TGFBRAP1: variants seen among roughly 807,000 people sequenced by gnomAD.
TGFBRAP1 encodes the protein transforming growth factor beta receptor associated protein 1, also known as transforming growth factor-beta receptor-associated protein 1.
A neutral mutation model predicts 83.2 loss-of-function variants in TGFBRAP1; 20 were observed. That is an observed-to-expected ratio of 0.24 (90% CI 0.17 to 0.35). TGFBRAP1 has a LOEUF of 0.35. Among genes scored for constraint, TGFBRAP1 ranks in the 10% least tolerant of loss-of-function variants. The pLI is 1.00. For synonymous variants in TGFBRAP1, 415 were observed against 459.8 expected (o/e 0.90, Z 1.25); for missense variants, 950 against 1,099.4 (o/e 0.86, Z 1.92).
At chr2:105,284,582 C>G (rs546830228) in intron 4 of TGFBRAP1, among the ~76,000 whole-genome samples, 184 bp from the exon 5 acceptor site, 1 of 152,202 alleles carries the variant, frequency 6.6e-6, no homozygotes, top group South Asian at 2.1e-4. Flanking sequence ...TTTTGTAATT[C>G]CCCAATCTTT....
chr2:105,257,126 C>A, the TGFBRAP1 span, among the ~76,000 whole-genome samples: 1 of 152,196 alleles, frequency 6.6e-6, no homozygotes, highest in East Asian at 1.9e-4. Context: ...CCTTTACTTT[C>A]TTAATAAACT....
chr2:105,329,201 G>A (rs1012712353), intron 1 of TGFBRAP1, among the ~76,000 whole-genome samples: 1 of 152,028 alleles, frequency 6.6e-6, no homozygotes, highest in African/African-American at 2.4e-5. Context: ...CAGGGATGGA[G>A]GTGCAAGTCC....
chr2:105,251,631 G>A, the TGFBRAP1 span, among the ~76,000 whole-genome samples: 2 of 152,220 alleles, frequency 1.3e-5, no homozygotes, highest in African/African-American at 2.4e-5. Flanking sequence ...CCGCCACCCC[G>A]TCTGGGAGGT....
intron 11 of TGFBRAP1, chr2:105,267,900 G>A: frequency 1.0e-6 from 1 of 984,336 alleles, no homozygotes; most frequent in South Asian, 4.7e-5. Context: ...TGTTAATGCT[G>A]AATGAGACCA....
At chr2:105,322,207 G>C (rs1012741864) in intron 1 of TGFBRAP1, among the ~76,000 whole-genome samples, 4 of 151,994 alleles carry the variant, frequency 2.6e-5, no homozygotes, top group Admixed American at 2.6e-4. Flanking sequence ...AAAACTTATA[G>C]AATAAGCATA....
intron 4 of TGFBRAP1, among the ~76,000 whole-genome samples, chr2:105,285,727 GA>G (rs528381430): frequency 2.0e-4 from 30 of 152,350 alleles, no homozygotes; most frequent in African/African-American, 6.7e-4. Context: ...AGGACTCTCA[GA>G]AGCATAGCAA....
At chr2:105,301,862 C>T (rs1573199485) in intron 2 of TGFBRAP1, among the ~76,000 whole-genome samples, 1 of 152,122 alleles carries the variant, frequency 6.6e-6, no homozygotes, top group African/African-American at 2.4e-5. Context: ...CCTCAGCTTC[C>T]TGTGGCTGGG....
chr2:105,319,330 G>T (rs1396918623), intron 1 of TGFBRAP1, among the ~76,000 whole-genome samples: 2 of 150,110 alleles, frequency 1.3e-5, no homozygotes, highest in Non-Finnish European at 3.0e-5. Context: ...CCAAAGTGTT[G>T]CAATTACAGG....
Position 105,308,025 on chromosome 2 carries a change from C to T in TGFBRAP1, c.277G>A (p.Val93Met), listed in dbSNP as rs1407488621. The change falls in exon 2 of 12, where the codon GTG becomes ATG. Residue 93 changes from valine to methionine, a missense_variant. Transcript: ENST00000393359. ...RAASALNRLL[V>M]LCDNSISLVN... ...AGGCTGATGGAGTTGTCACACAGCA[C>T]CAGCAGCCTGTTGAGTGCTGAGGCC... The T allele has an allele frequency of 6.2e-7, 1 of 1,614,042 alleles. No individual in the cohort carries two copies. Among genetic ancestry groups the T allele is most frequent in the Non-Finnish European group, 8.5e-7 (1 of 1,179,966 alleles).
chr2:105,316,456 T>A (rs1390163773), intron 1 of TGFBRAP1, among the ~76,000 whole-genome samples: 1 of 71,708 alleles, frequency 1.4e-5, no homozygotes, highest in East Asian at 3.7e-4. Context: ...TGTGTGTGTG[T>A]GTGTGTGCGC....
Position 105,307,981 on chromosome 2 carries a change from G to A in TGFBRAP1, c.321C>T (p.Leu107=), listed in dbSNP as rs112430410. ...NSISLVNMLN[L]EPVPSGARIK... is the part of the protein sequence containing the mutation. The stretch of plus-strand genomic sequence containing the variant: ...TGCGGGCCCCCGAAGGCACTGGCTC[G>A]AGGTTCAGCATGTTGACCAGGCTGA... Residue 107 remains leucine, a synonymous_variant, in exon 2 of 12, where the codon CTC becomes CTT. Coordinates refer to ENST00000393359, the MANE Select transcript of TGFBRAP1 (RefSeq NM_004257.6). 211 of 1,614,204 alleles carry A rather than the reference G, an allele frequency of 1.3e-4. No individual in the cohort carries two copies. Among genetic ancestry groups the A allele is most frequent in the Middle Eastern group, 3.3e-4 (2 of 6,062 alleles).
At chr2:105,286,324 T>C (rs527399619) in intron 4 of TGFBRAP1, among the ~76,000 whole-genome samples, 2 of 152,272 alleles carry the variant, frequency 1.3e-5, no homozygotes, top group African/African-American at 4.8e-5. Context: ...AAATGCCTGA[T>C]CAGAAATTTT....
intron 6 of TGFBRAP1, among the ~76,000 whole-genome samples, chr2:105,280,053 TAAA>T (rs1188904900): frequency 7.6e-6 from 1 of 131,958 alleles, no homozygotes. Context: ...AAATAGTCAT[TAAA>T]AAAAAAAAAA....
In TGFBRAP1 at chr2:105,267,126, G is replaced by A. The variant is rs1161111806; in HGVS notation, c.*257C>T. ...CTTGGATTACTATGTACCTGGACAG[G>A]TGAACTCTTGTATGTTTCTGTTTTG... On this transcript the variant is annotated 3_prime_UTR_variant, in exon 12 of 12. Coordinates refer to ENST00000393359, the MANE Select transcript of TGFBRAP1 (RefSeq NM_004257.6). 2 of 479,382 alleles carry A rather than the reference G, an allele frequency of 4.2e-6. No individual in the cohort carries two copies. Among genetic ancestry groups the A allele is most frequent in the Non-Finnish European group, 7.3e-6 (2 of 273,640 alleles). 29.7% of individuals were successfully genotyped at this position (479,382 alleles called of 1,614,324 possible).
In TGFBRAP1 at chr2:105,295,718, G is replaced by A. The variant is rs571364848; in HGVS notation, c.1038+638C>T. ...CCCAGCTACTCGGGAGGCTGAGGCA[G>A]GAGAATCGCTTGAACTCGGGAGGCA... is the stretch of plus-strand genomic sequence containing the variant. On this transcript the variant is annotated intron_variant, in intron 4 of 11. Transcript: ENST00000393359. Among the ~76,000 whole-genome samples the A allele has an allele frequency of 1.8e-3, 278 of 150,682 alleles. 1 individual carries two copies. Among genetic ancestry groups the A allele is most frequent in the Non-Finnish European group, 3.3e-3 (224 of 67,830 alleles).
chr2:105,290,792 G>A (rs914555529), intron 4 of TGFBRAP1, among the ~76,000 whole-genome samples: 1 of 152,116 alleles, frequency 6.6e-6, no homozygotes, highest in Non-Finnish European at 1.5e-5. Flanking sequence ...ATCACCTGAG[G>A]TCAGGAGTTC....
At chr2:105,314,249 CTTTTTTT>C (rs1198445714) in intron 1 of TGFBRAP1, among the ~76,000 whole-genome samples, 2 of 118,644 alleles carry the variant, frequency 1.7e-5, no homozygotes, top group African/African-American at 3.5e-5. Context: ...AGTACTTTCT[CTTTTTTT>C]TTTTTTTTTT....
chr2:105,303,896 T>G (rs1276551966), intron 2 of TGFBRAP1, among the ~76,000 whole-genome samples: 1 of 151,972 alleles, frequency 6.6e-6, no homozygotes, highest in Non-Finnish European at 1.5e-5. Context: ...CATGAAACCA[T>G]CCAATTTCTT....
intron 1 of TGFBRAP1, among the ~76,000 whole-genome samples, chr2:105,311,547 C>T (rs1041785367): frequency 2.0e-5 from 3 of 151,478 alleles, no homozygotes; most frequent in Admixed American, 6.6e-5. Flanking sequence ...ATTGCACCAC[C>T]GCTCTCCAGC....
Sources: allele counts gnomAD v4.1 joint callset (sites outside exome capture counted in the v4.1 genomes callset), GRCh38; gene constraint gnomAD v4.1.1; transcripts MANE v1.5; gene names NCBI Gene and HGNC (gene_info 2026-07-23, HGNC 2026-07-21).